Variants in CGAS observed in about 807,000 individuals in gnomAD.
The protein encoded by CGAS is cyclic GMP-AMP synthase.
In CGAS, 31 loss-of-function variants were observed where a neutral mutation model predicts 34.0. The ratio of observed to expected loss-of-function variants is 0.91; its 90% CI spans 0.69 to 1.23. CGAS has a LOEUF of 1.23. Ranked by LOEUF, CGAS falls within the 50% of genes most tolerant of loss-of-function variation. The pLI, the probability that CGAS is intolerant of heterozygous loss-of-function variation, is 0.00. For missense variants in CGAS, 597 were observed against 657.6 expected, an observed-to-expected ratio of 0.91 and a Z score of 1.01; for synonymous variants, 266 against 260.0, an observed-to-expected ratio of 1.02 and a Z score of -0.22.
chr6:73,450,557 A>C (rs1282152254), intron 1 of CGAS, among the ~76,000 whole-genome samples: 1 of 152,172 alleles, frequency 6.6e-6, no homozygotes, highest in African/African-American at 2.4e-5. Context: ...CCCACAAGCA[A>C]ATGGAGCTGT....
Position 73,427,550 on chromosome 6 carries a change from C to G in CGAS, c.1217+1159G>C, listed in dbSNP as rs573568141. On this transcript the variant is annotated intron_variant, in intron 4 of 4. Transcript: ENST00000370315. ...CCTGACCTCAGGTGATCCACCTGCCCTGGCCTCCCAAAGTGCTGGGATTGC... is the reference window on the plus strand; with the variant it reads ...CCTGACCTCAGGTGATCCACCTGCCGTGGCCTCCCAAAGTGCTGGGATTGC... 1.6e-4 allele frequency among the ~76,000 whole-genome samples: 25 copies of G among 151,666 alleles called. No individual in the cohort carries two copies. The East Asian group carries it at 4.9e-3, about 30-fold the overall frequency.
intron 4 of CGAS, among the ~76,000 whole-genome samples, chr6:73,426,325 G>A (rs1053326839): frequency 7.6e-6 from 1 of 131,762 alleles, no homozygotes; most frequent in Non-Finnish European, 1.6e-5. Flanking sequence ...AAAATAAAAT[G>A]AAATAAATGA....
At chr6:73,426,638 ATCTTGTTTTGTTATAAAATT>A (rs1770094237) in intron 4 of CGAS, among the ~76,000 whole-genome samples, 1 of 151,212 alleles carries the variant, frequency 6.6e-6, no homozygotes, top group African/African-American at 2.4e-5. Context: ...GCGATCCAAA[ATCTTGTTTTGTTATAAAATT>A]ATTTTACTTT....
intron 4 of CGAS, among the ~76,000 whole-genome samples, chr6:73,427,326 G>A (rs1050015131): frequency 4.7e-4 from 66 of 140,610 alleles, no homozygotes; most frequent in African/African-American, 1.6e-3. Flanking sequence ...TTAAGATGGA[G>A]TCTTGCTCTG....
chr6:73,450,351 G>T (rs1770543277), intron 1 of CGAS, among the ~76,000 whole-genome samples: 1 of 151,276 alleles, frequency 6.6e-6, no homozygotes, highest in Non-Finnish European at 1.5e-5. Context: ...GGAGGTGGAG[G>T]TTGAGGTGAG....
chr6:73,442,752 C>T (rs148795811), intron 2 of CGAS, among the ~76,000 whole-genome samples: 231 of 152,100 alleles, frequency 1.5e-3, no homozygotes, highest in African/African-American at 5.3e-3. Context: ...GTGTCTGCCA[C>T]CACGCCTGGC....
chr6:73,451,548 C>T lies in CGAS; in HGVS notation c.634G>A (p.Gly212Arg), dbSNP rs369422354. 5.4e-5 allele frequency: 85 copies of T among 1,587,140 alleles called. No individual in the cohort carries two copies. The highest frequency in any genetic ancestry group is 6.9e-5 in the Non-Finnish European group (80 of 1,167,762). The change falls in exon 1 of 5, where the codon GGG becomes AGG. Residue 212 changes from glycine (G) to arginine (R), a missense_variant. Coordinates refer to ENST00000370315, the MANE Select transcript of CGAS (RefSeq NM_138441.3). ...AFRGVGLLNT[G>R]SYYEHVKISA... The stretch of plus-strand genomic sequence containing the variant: ...ACCTTCACGTGCTCATAGTAGCTCC[C>T]GGTGTTCAGCAGCCCGACGCCTCTG...
intron 3 of CGAS, among the ~76,000 whole-genome samples, chr6:73,431,429 C>T (rs905596978): frequency 6.6e-6 from 1 of 152,062 alleles, no homozygotes; most frequent in African/African-American, 2.4e-5. Context: ...CAAGATCGGG[C>T]GATTGCACTC....
chr6:73,427,554 C>G (rs1770109944), intron 4 of CGAS, among the ~76,000 whole-genome samples: 1 of 152,124 alleles, frequency 6.6e-6, no homozygotes, highest in Non-Finnish European at 1.5e-5. Context: ...CCTGCCCTGG[C>G]CTCCCAAAGT....
At chr6:73,439,035 G>A (rs1227211931) in intron 3 of CGAS, among the ~76,000 whole-genome samples, 1 of 152,138 alleles carries the variant, frequency 6.6e-6, no homozygotes, top group African/African-American at 2.4e-5. Flanking sequence ...AAGTTATGAT[G>A]TGTGTCCACA....
chr6:73,437,408 C>T (rs766147129), intron 3 of CGAS, among the ~76,000 whole-genome samples: 3 of 151,874 alleles, frequency 2.0e-5, no homozygotes, highest in Admixed American at 6.6e-5. Context: ...GTTAATTTAC[C>T]TATGTTGAGT....
At chr6:73,431,268 G>A (rs1053508383) in intron 3 of CGAS, among the ~76,000 whole-genome samples, 2 of 151,962 alleles carry the variant, frequency 1.3e-5, no homozygotes, top group Non-Finnish European at 2.9e-5. Flanking sequence ...TCAGGAGTTC[G>A]AGACCAGCCG....
rs4032696 is a variant in CGAS at position 73,423,989 on chromosome 6, T to A, written c.*1238A>T. The stretch of plus-strand genomic sequence containing the variant: ...ATGTGCAAAATATATGAACAGGAAA[T>A]ATTTAACAAACAGCAGTTGCCTCTA... On this transcript the variant is annotated 3_prime_UTR_variant, in exon 5 of 5. Coordinates refer to ENST00000370315, the MANE Select transcript of CGAS (RefSeq NM_138441.3). The A allele has an allele frequency of 0.29, 44,532 of 151,876 alleles. 6,852 individuals carry two copies. Among genetic ancestry groups the A allele is most frequent in the Admixed American group, 0.39 (5,963 of 15,268 alleles). The allele number at this position is 151,876 out of a possible 1,614,324, so 9.4% of individuals were successfully genotyped here.
Position 73,452,039 on chromosome 6 carries a change from G to A in CGAS, c.143C>T (p.Ala48Val). 1 of 1,505,632 alleles carries A rather than the reference G, an allele frequency of 6.6e-7. No homozygotes were observed. The highest frequency in any genetic ancestry group is 8.9e-7 in the Non-Finnish European group (1 of 1,125,324). 93.3% of individuals were successfully genotyped at this position (1,505,632 alleles called of 1,614,324 possible). Residue 48 changes from alanine to valine, a missense_variant, in exon 1 of 5, where the codon GCG (alanine) becomes GTG (valine). Ala to Val is a moderately conservative substitution (Grantham distance 64). Transcript: ENST00000370315. ...CTTCCTGGCGGGGCCGAACTTTCCC[G>A]CCTTAGGCAGGGCGGCCTCGGGGGC... ...PAAPEAALPK[A>V]GKFGPARKSG...
chr6:73,425,121 G>A lies in CGAS; in HGVS notation c.*106C>T, dbSNP rs1770062482. 1 of 802,556 alleles carries A rather than the reference G, an allele frequency of 1.2e-6. No homozygotes were observed. The highest frequency in any genetic ancestry group is 1.8e-5 in the African/African-American group (1 of 56,582). 49.7% of individuals were successfully genotyped at this position (802,556 alleles called of 1,614,324 possible). A position where few individuals can be genotyped will look rare whatever the true frequency, so the allele number is the denominator to read the frequency against. On this transcript the variant is annotated 3_prime_UTR_variant, in exon 5 of 5. Transcript: ENST00000370315. The stretch of plus-strand genomic sequence containing the variant: ...CGCCTGCCTCGGCCTCCAAAGAGCT[G>A]GGATTACAGGTGTGAGCCACAGCGT...
intron 1 of CGAS, among the ~76,000 whole-genome samples, chr6:73,450,657 A>T (rs1268722796): frequency 6.6e-6 from 1 of 152,100 alleles, no homozygotes. Flanking sequence ...TTTGTTTAAC[A>T]TTATACTGTA....
intron 3 of CGAS, among the ~76,000 whole-genome samples, chr6:73,429,750 C>A (rs1035801707): frequency 6.6e-6 from 1 of 151,696 alleles, no homozygotes; most frequent in Non-Finnish European, 1.5e-5. Context: ...GGCGCGAACC[C>A]GGGAGGTGGA....
In CGAS at chr6:73,452,151, T is replaced by TAGAG. The variant is rs1213230755; in HGVS notation, c.30_31insCTCT (p.Arg11LeufsTer2). On this transcript the variant is annotated frameshift_variant, in exon 1 of 5. Coordinates refer to ENST00000370315, the MANE Select transcript of CGAS (RefSeq NM_138441.3). LOFTEE classifies it high-confidence loss of function. ...GCAGTGGCTCCGGCCTCGGAAGCTC[T>TAGAG]CTGCATGGCCTTTCCGTGCCAAGGC... The TAGAG allele has an allele frequency of 9.9e-6, 16 of 1,608,742 alleles. No homozygotes were observed. The highest frequency in any genetic ancestry group is 1.4e-5 in the Non-Finnish European group (16 of 1,178,204).
chr6:73,428,997 A>C (rs1016107534), intron 3 of CGAS, among the ~76,000 whole-genome samples, 186 bp from the exon 4 acceptor site: 1 of 151,682 alleles, frequency 6.6e-6, no homozygotes, highest in African/African-American at 2.4e-5. Context: ...GACCAGCCTG[A>C]CCAACATGGA....
Sources: allele counts gnomAD v4.1 joint callset (sites outside exome capture counted in the v4.1 genomes callset), GRCh38; gene constraint gnomAD v4.1.1; transcripts MANE v1.5; gene names NCBI Gene and HGNC (gene_info 2026-07-23, HGNC 2026-07-21).